RPL35A: variants seen among roughly 807,000 people sequenced by gnomAD.
RPL35A encodes ribosomal protein L35a, also known as large ribosomal subunit protein eL33.
In RPL35A, 1 loss-of-function variant was observed where a neutral mutation model predicts 16.7. The observed-to-expected ratio is 0.06, with a 90% CI of 0.02 to 0.28. The LOEUF (loss-of-function observed/expected upper bound fraction) is 0.28. Among genes scored for constraint, RPL35A ranks in the 10% least tolerant of loss-of-function variants. RPL35A has a pLI of 1.00. For synonymous variants in RPL35A, 58 were observed against 47.0 expected, an observed-to-expected ratio of 1.23 and a Z score of -0.96; for missense variants, 91 against 138.7, an observed-to-expected ratio of 0.66 and a Z score of 1.73.
At position 197,950,420 on chromosome 3, in the gene RPL35A, C is replaced by T. The variant is rs184234693; in HGVS notation, c.-33+199C>T. On this transcript the variant is annotated intron_variant, in intron 1 of 4. Coordinates refer to ENST00000647248, the MANE Select transcript of RPL35A (RefSeq NM_000996.4). Reference sequence around the variant, plus strand: ...CCCTGACACCCGGAGAACGGCTGCCCGGGTTATCCCAGTTAAATTCCTGGG... The same window carrying T: ...CCCTGACACCCGGAGAACGGCTGCCTGGGTTATCCCAGTTAAATTCCTGGG... The T allele has an allele frequency of 4.2e-5, 38 of 910,186 alleles. No individual in the cohort carries two copies. In the African/African-American group the frequency reaches 6.0e-4, roughly 14 times the overall value. The allele number at this position is 910,186 out of a possible 1,614,324, so 56.4% of individuals were successfully genotyped here.
chr3:197,950,826 A>G (rs750200266), intron 1 of RPL35A, 110 bp from the exon 2 acceptor site: 25 of 917,678 alleles, frequency 2.7e-5, no homozygotes, highest in Non-Finnish European at 4.2e-5. Context: ...CCGAACTCCT[A>G]CATGAAACTC....
Position 197,951,298 on chromosome 3 carries a change from T to C in RPL35A, c.151T>C (p.Tyr51His), listed in dbSNP as rs1720057419. 6.2e-7 allele frequency: 1 copy of C among 1,613,956 alleles called. No homozygotes were observed. The highest frequency in any genetic ancestry group is 8.5e-7 in the Non-Finnish European group (1 of 1,179,932). Residue 51 changes from tyrosine to histidine, a missense_variant, in exon 3 of 5, where the codon TAT (tyrosine) becomes CAT (histidine). Coordinates refer to ENST00000647248, the MANE Select transcript of RPL35A (RefSeq NM_000996.4). Reference protein sequence around the residue: ...FYLGKRCAYVYKAKNNTVTPG... With the variant: ...FYLGKRCAYVHKAKNNTVTPG... ...TTTGGGCAAGAGATGCGCTTATGTA[T>C]ATAAAGCAAAGAAGTAAGTTTATGA...
intron 1 of RPL35A, chr3:197,950,664 AT>A: frequency 1.9e-6 from 1 of 512,980 alleles, no homozygotes; most frequent in Admixed American, 3.4e-5. Flanking sequence ...AACGGCATGC[AT>A]TTTCTCAGGC....
chr3:197,950,896 T>G lies in RPL35A; in HGVS notation c.-32-40T>G, dbSNP rs369520878. On this transcript the variant is annotated intron_variant, in intron 1 of 4. Transcript: ENST00000647248. ...GAGAGGGGACGAGGTGGGAAACTTG[T>G]GTGGCTTGGTTTTAAACTAATCTTT... 3.1e-6 allele frequency: 5 copies of G among 1,606,728 alleles called. No individual in the cohort carries two copies. In the African/African-American group the frequency reaches 4.0e-5, roughly 13 times the overall value.
chr3:197,955,955 T>A lies in RPL35A; in HGVS notation c.*182T>A, dbSNP rs1720492843. The A allele has an allele frequency of 1.6e-6, 1 of 617,932 alleles. No homozygotes were observed. The highest frequency in any genetic ancestry group is 1.8e-5 in the African/African-American group (1 of 54,378). 38.3% of individuals were successfully genotyped at this position (617,932 alleles called of 1,614,324 possible). A position where few individuals can be genotyped will look rare whatever the true frequency, so the allele number is the denominator to read the frequency against. On this transcript the variant is annotated 3_prime_UTR_variant, in exon 5 of 5. Transcript: ENST00000647248. ...AAAATTACAGGGCGAGTACAGAGATTTAGAAGGGAACGGGTTTTAATGCGA... is the reference window on the plus strand; with the variant it reads ...AAAATTACAGGGCGAGTACAGAGATATAGAAGGGAACGGGTTTTAATGCGA...
At chr3:197,951,648 T>C (rs1377591054) in intron 3 of RPL35A, 2 of 321,830 alleles carry the variant, frequency 6.2e-6, no homozygotes, top group Non-Finnish European at 1.2e-5. Flanking sequence ...CCACCGCGCC[T>C]GGCCTCATTA....
chr3:197,951,572 C>T, intron 3 of RPL35A: 1 of 450,764 alleles, frequency 2.2e-6, no homozygotes, highest in East Asian at 4.6e-5. Flanking sequence ...AGGCTGGTCC[C>T]AAACTCCTGA....
At chr3:197,953,454 G>A (rs1443895038) in intron 3 of RPL35A, 11 of 456,578 alleles carry the variant, frequency 2.4e-5, no homozygotes, top group Middle Eastern at 3.2e-4. Flanking sequence ...GTAAAAGCCC[G>A]TCATTAAGAG....
At chr3:197,950,777 G>A (rs1428921647) in intron 1 of RPL35A, 159 bp from the exon 2 acceptor site, 1 of 650,418 alleles carries the variant, frequency 1.5e-6, no homozygotes, top group Admixed American at 2.8e-5. Context: ...TGTCTTGCCG[G>A]ACCCTGCGTT....
At chr3:197,952,958 A>G (rs990961510) in intron 3 of RPL35A, among the ~76,000 whole-genome samples, 4 of 149,802 alleles carry the variant, frequency 2.7e-5, no homozygotes, top group African/African-American at 4.9e-5. Flanking sequence ...GCACCACCAC[A>G]CCCGGCTAAC....
rs766619628 is a variant in RPL35A at position 197,950,989 on chromosome 3, T to C, written c.11+11T>C. 44 of 1,613,236 alleles carry C rather than the reference T, an allele frequency of 2.7e-5. No homozygotes were observed. The highest frequency in any genetic ancestry group is 3.2e-5 in the Non-Finnish European group (38 of 1,179,262). ...AACTATGTCTGGAAGGTACGCGTTT[T>C]AAATATAGTTCTTTATTTTTGTGTG... On this transcript the variant is annotated intron_variant, in intron 2 of 4. Transcript: ENST00000647248.
chr3:197,951,439 G>C, intron 3 of RPL35A, 128 bp downstream of exon 3: 1 of 1,016,674 alleles, frequency 9.8e-7, no homozygotes, highest in South Asian at 1.3e-5. Flanking sequence ...CGAAACCTCC[G>C]CCTCCCGGGT....
intron 4 of RPL35A, 66 bp downstream of exon 4, chr3:197,954,213 G>C (rs1720352558): frequency 6.6e-7 from 1 of 1,518,352 alleles, no homozygotes; most frequent in African/African-American, 1.4e-5. Context: ...GTTGTGCTTT[G>C]ACTTCTGAGG....
chr3:197,953,939 T>A (rs1176908916), intron 3 of RPL35A, 64 bp from the exon 4 acceptor site: 3 of 1,572,914 alleles, frequency 1.9e-6, no homozygotes, highest in Non-Finnish European at 2.6e-6. Flanking sequence ...CGTGTAGAGG[T>A]CACCTTGAAT....
chr3:197,954,218 C>G (rs2109814479), intron 4 of RPL35A, 71 bp downstream of exon 4: 1 of 1,519,430 alleles, frequency 6.6e-7, no homozygotes, highest in East Asian at 2.3e-5. Context: ...GCTTTGACTT[C>G]TGAGGACTTC....
intron 1 of RPL35A, chr3:197,950,653 T>G: frequency 2.0e-6 from 1 of 496,708 alleles, no homozygotes; most frequent in Non-Finnish European, 3.6e-6. Flanking sequence ...TGCCTACTGA[T>G]AACGGCATGC....
In RPL35A at chr3:197,954,000, C is replaced by G. The variant is rs879242330; in HGVS notation, c.165-3C>G. The G allele has an allele frequency of 6.2e-7, 1 of 1,612,364 alleles. No individual in the cohort carries two copies. The highest frequency in any genetic ancestry group is 8.5e-7 in the Non-Finnish European group (1 of 1,179,856). ...TTCCTCTTCTTTCCCTTTTTAAAAT[C>G]AGCAACACAGTCACTCCTGGCGGCA... On this transcript the variant is annotated splice_polypyrimidine_tract_variant and splice_region_variant and intron_variant, in intron 3 of 4. Transcript: ENST00000647248.
At chr3:197,954,298 G>A in intron 4 of RPL35A, 151 bp downstream of exon 4, 1 of 771,628 alleles carries the variant, frequency 1.3e-6, no homozygotes, top group East Asian at 2.7e-5. Flanking sequence ...TGGAGAGATA[G>A]TAATTGAAAG....
In RPL35A at chr3:197,950,211, C is replaced by T; in HGVS notation, c.-43C>T. 2.4e-6 allele frequency: 3 copies of T among 1,231,494 alleles called. No homozygotes were observed. The highest frequency in any genetic ancestry group is 4.1e-5 in the South Asian group (1 of 24,204). The allele number at this position is 1,231,494 out of a possible 1,614,324, so 76.3% of individuals were successfully genotyped here. ...CGTCCTTCTCTTACCGCCATCTTGG[C>T]TCCTGTGGAGGTGAGTGAAGGGTCT... On this transcript the variant is annotated 5_prime_UTR_variant, in exon 1 of 5. Coordinates refer to ENST00000647248, the MANE Select transcript of RPL35A (RefSeq NM_000996.4).
Sources: gnomAD v4.1 joint callset for allele counts (sites outside exome capture counted in the v4.1 genomes callset) on GRCh38, gnomAD v4.1.1 for gene constraint, MANE v1.5 for transcripts, NCBI Gene and HGNC (gene_info 2026-07-23, HGNC 2026-07-21) for gene names.